CNTN5: variants seen among roughly 807,000 people sequenced by gnomAD.
The protein encoded by CNTN5 is contactin 5, also known as contactin-5.
CNTN5 carries 77 observed loss-of-function variants against 129.1 expected under a neutral mutation model. The ratio of observed to expected loss-of-function variants is 0.60; its 90% CI spans 0.50 to 0.72. The LOEUF is 0.72. CNTN5 is among the 30% of genes least tolerant of loss of function. The probability of loss-of-function intolerance (pLI) is 0.00; values close to 1 mark genes in which losing one functional copy is unlikely to be tolerated. For missense variants in CNTN5, 1,478 were observed against 1,328.8 expected (o/e 1.11, Z -1.75); for synonymous variants, 509 against 465.6 (o/e 1.09, Z -1.20).
intron 2 of CNTN5, among the ~76,000 whole-genome samples, chr11:99,396,762 A>G (rs1941547401): frequency 6.6e-6 from 1 of 151,738 alleles, no homozygotes; most frequent in Non-Finnish European, 1.5e-5. Flanking sequence ...TTTAATATGG[A>G]AAAAGAAAAG....
chr11:99,885,633 T>C (rs966121484), intron 6 of CNTN5, among the ~76,000 whole-genome samples: 5 of 152,178 alleles, frequency 3.3e-5, no homozygotes, highest in Non-Finnish European at 5.9e-5. Context: ...CTTAGCAAGA[T>C]ATTGGTGAAT....
intron 3 of CNTN5, among the ~76,000 whole-genome samples, chr11:99,789,016 C>T (rs1053889972): frequency 6.6e-6 from 1 of 151,654 alleles, no homozygotes; most frequent in Non-Finnish European, 1.5e-5. Context: ...TTGTAAAAAT[C>T]TAACATCTCC....
At chr11:99,981,077 G>GATAT (rs372749441) in intron 8 of CNTN5, among the ~76,000 whole-genome samples, 706 of 57,504 alleles carry the variant, frequency 0.012, 21 homozygotes, top group South Asian at 0.021. Flanking sequence ...GAGCCAATAG[G>GATAT]ATATATATAT....
Position 100,074,137 on chromosome 11 carries a change from T to C in CNTN5, c.1430-7T>C, listed in dbSNP as rs1404946575. 6.2e-6 allele frequency: 10 copies of C among 1,605,778 alleles called. No homozygotes were observed. The highest frequency in any genetic ancestry group is 8.5e-6 in the Non-Finnish European group (10 of 1,177,496). Reference sequence around the variant, plus strand: ...CTGGTAGAAACTAACATTTGCTTTTTTAATAGCTTCAGCTCCCACTTTTGC... The same window carrying C: ...CTGGTAGAAACTAACATTTGCTTTTCTAATAGCTTCAGCTCCCACTTTTGC... On this transcript the variant is annotated splice_polypyrimidine_tract_variant and splice_region_variant and intron_variant, in intron 12 of 24. Coordinates refer to ENST00000524871, the MANE Select transcript of CNTN5 (RefSeq NM_014361.4).
chr11:99,754,004 TAAC>T (rs971553535), intron 3 of CNTN5, among the ~76,000 whole-genome samples: 4 of 148,654 alleles, frequency 2.7e-5, no homozygotes, highest in African/African-American at 7.4e-5. Flanking sequence ...AAAAAATAAA[TAAC>T]AACAACAAAA....
chr11:99,300,288 G>T (rs531381979), intron 1 of CNTN5, among the ~76,000 whole-genome samples: 1 of 151,994 alleles, frequency 6.6e-6, no homozygotes, highest in South Asian at 2.1e-4. Context: ...TTTGAAATAC[G>T]TTTCTTCTCA....
chr11:100,138,218 A>C (rs144200146), intron 13 of CNTN5, among the ~76,000 whole-genome samples: 71 of 150,830 alleles, frequency 4.7e-4, no homozygotes, highest in African/African-American at 1.5e-3. Flanking sequence ...AATGTTCTGT[A>C]GGCAAGTGGA....
chr11:99,114,340 A>G (rs1857939396), intron 1 of CNTN5, among the ~76,000 whole-genome samples: 1 of 152,102 alleles, frequency 6.6e-6, no homozygotes. Flanking sequence ...TCGTAGTAAG[A>G]AATTGTTAAA....
intron 1 of CNTN5, among the ~76,000 whole-genome samples, chr11:99,186,560 C>T (rs2135579455): frequency 6.6e-6 from 1 of 151,994 alleles, no homozygotes; most frequent in East Asian, 1.9e-4. Context: ...TGAGTTTTTG[C>T]CAATCTCATA....
At chr11:99,717,045 A>G (rs1467452449) in intron 3 of CNTN5, among the ~76,000 whole-genome samples, 8 of 151,960 alleles carry the variant, frequency 5.3e-5, no homozygotes, top group Non-Finnish European at 1.2e-4. Context: ...CAGTATTCCA[A>G]TTGTTTTTCC....
intron 8 of CNTN5, among the ~76,000 whole-genome samples, chr11:99,979,776 G>T (rs1206461044): frequency 6.6e-6 from 1 of 152,048 alleles, no homozygotes; most frequent in East Asian, 1.9e-4. Context: ...AATGTCTTTG[G>T]ATCCAAAGCA....
chr11:99,457,517 G>A (rs563991243), intron 2 of CNTN5, among the ~76,000 whole-genome samples: 1 of 151,618 alleles, frequency 6.6e-6, no homozygotes, highest in Non-Finnish European at 1.5e-5. Flanking sequence ...AGCTGTATGT[G>A]GATAAAAAGA....
At chr11:99,522,993 C>A (rs1484971431) in intron 2 of CNTN5, among the ~76,000 whole-genome samples, 1 of 152,194 alleles carries the variant, frequency 6.6e-6, no homozygotes, top group East Asian at 1.9e-4. Context: ...AAGATACTTA[C>A]TTATGTTCTG....
At chr11:99,870,032 C>T (rs1157820474) in intron 6 of CNTN5, among the ~76,000 whole-genome samples, 1 of 152,110 alleles carries the variant, frequency 6.6e-6, no homozygotes, top group Non-Finnish European at 1.5e-5. Context: ...GCACCACTCT[C>T]AGTGGTAGGC....
chr11:99,170,894 AATGTC>A (rs1861116458), intron 1 of CNTN5, among the ~76,000 whole-genome samples: 1 of 152,240 alleles, frequency 6.6e-6, no homozygotes, highest in African/African-American at 2.4e-5. Flanking sequence ...CTAAGAAAGT[AATGTC>A]ATGTCAATTT....
intron 15 of CNTN5, among the ~76,000 whole-genome samples, chr11:100,210,740 A>G (rs1949013757): frequency 6.6e-6 from 1 of 152,214 alleles, no homozygotes; most frequent in African/African-American, 2.4e-5. Flanking sequence ...ATACCAAAAA[A>G]TAATGTGAAC....
chr11:100,262,342 G>T (rs1047262195), intron 17 of CNTN5, among the ~76,000 whole-genome samples: 1 of 152,140 alleles, frequency 6.6e-6, no homozygotes, highest in African/African-American at 2.4e-5. Flanking sequence ...ACTGTTGATG[G>T]GAGTGTAAAT....
chr11:99,376,715 G>C (rs562688312), intron 2 of CNTN5, among the ~76,000 whole-genome samples: 33 of 152,272 alleles, frequency 2.2e-4, no homozygotes, highest in Admixed American at 1.7e-3. Flanking sequence ...GAGTACAAAG[G>C]AGGAAGTAAC....
chr11:99,596,338 C>G (rs181018075), intron 3 of CNTN5, among the ~76,000 whole-genome samples: 1 of 152,246 alleles, frequency 6.6e-6, no homozygotes, highest in East Asian at 1.9e-4. Flanking sequence ...ATAGTAAGAG[C>G]AAGGAGTTCT....
Sources: allele counts gnomAD v4.1 joint callset (sites outside exome capture counted in the v4.1 genomes callset), GRCh38; gene constraint gnomAD v4.1.1; transcripts MANE v1.5; gene names NCBI Gene and HGNC (gene_info 2026-07-23, HGNC 2026-07-21).